Variants in GSPT1 observed in about 807,000 individuals in gnomAD.
The protein encoded by GSPT1 is eukaryotic peptide chain release factor GTP-binding subunit ERF3A.
A neutral mutation model predicts 72.5 loss-of-function variants in GSPT1; 20 were observed. The ratio of observed to expected loss-of-function variants is 0.28; its 90% CI spans 0.19 to 0.40. The LOEUF (loss-of-function observed/expected upper bound fraction) is 0.40. GSPT1 is among the 10% of genes least tolerant of loss of function. The probability of loss-of-function intolerance (pLI) is 1.00; values close to 1 mark genes in which losing one functional copy is unlikely to be tolerated. For synonymous variants in GSPT1, 334 were observed against 293.5 expected (o/e 1.14, Z -1.41); for missense variants, 580 against 811.9 (o/e 0.71, Z 3.47).
chr16:11,898,133 C>CAATAAACAGAAGTTCAATA, intron 1 of GSPT1, 98 bp from the exon 2 acceptor site: 1 of 748,026 alleles, frequency 1.3e-6, no homozygotes, highest in Non-Finnish European at 2.3e-6. Context: ...AATAACACGA[C>CAATAAACAGAAGTTCAATA]ACAAGCCTCA....
intron 11 of GSPT1, chr16:11,881,594 C>T (rs1252330416): frequency 6.8e-6 from 1 of 147,886 alleles, no homozygotes; most frequent in African/African-American, 2.5e-5. Flanking sequence ...GTTAAGCAGT[C>T]ACTCCTTACT....
intron 5 of GSPT1, among the ~76,000 whole-genome samples, chr16:11,891,366 A>ATT (rs200911963): frequency 2.1e-5 from 3 of 143,474 alleles, no homozygotes; most frequent in African/African-American, 7.7e-5. Context: ...ATATATATAT[A>ATT]TATTTTTTTT....
Position 11,887,892 on chromosome 16 carries a change from C to G in GSPT1, c.777-142G>C, listed in dbSNP as rs964000629. ...GGTGAAATGAAAATTGAGCCGGGTG[C>G]GGTGGCTCACATCTGTAATCTGAGC... On this transcript the variant is annotated intron_variant, in intron 6 of 14. Transcript: ENST00000434724. The G allele has an allele frequency of 1.1e-4, 71 of 660,876 alleles. No individual in the cohort carries two copies. In the Middle Eastern group the frequency reaches 1.7e-3, roughly 16 times the overall value. The allele number at this position is 660,876 out of a possible 1,614,324, so 40.9% of individuals were successfully genotyped here.
chr16:11,916,045 C>T, upstream of GSPT1: 2 of 619,926 alleles, frequency 3.2e-6, no homozygotes, highest in Non-Finnish European at 6.1e-6. Context: ...CCCGTACCTT[C>T]GCCTCGGTAG....
At chr16:11,916,338 T>C (rs1386547625), upstream of GSPT1, among the ~76,000 whole-genome samples, 1 of 152,160 alleles carries the variant, frequency 6.6e-6, no homozygotes, top group African/African-American at 2.4e-5. Flanking sequence ...CCGAGAGTAT[T>C]TTAGCCCATA....
At chr16:11,892,519 A>ATAAAAAAAAAAAAAAT (rs1555504706) in intron 5 of GSPT1, among the ~76,000 whole-genome samples, 8 of 142,694 alleles carry the variant, frequency 5.6e-5, no homozygotes, top group African/African-American at 2.2e-4. Context: ...AAAAACAAAA[A>ATAAAAAAAAAAAAAAT]AAACAAAAAA....
chr16:11,903,015 C>T (rs971884045), intron 1 of GSPT1, among the ~76,000 whole-genome samples: 1 of 152,058 alleles, frequency 6.6e-6, no homozygotes, highest in Non-Finnish European at 1.5e-5. Flanking sequence ...CCGCGCCCGG[C>T]TTCCAAGACA....
At chr16:11,876,801 C>T (rs1438822355) in intron 12 of GSPT1, among the ~76,000 whole-genome samples, 1 of 152,126 alleles carries the variant, frequency 6.6e-6, no homozygotes, top group Non-Finnish European at 1.5e-5. Context: ...TCCTTATATT[C>T]CCCAAGGAAC....
intron 10 of GSPT1, among the ~76,000 whole-genome samples, chr16:11,883,849 G>T (rs1171016446): frequency 2.0e-5 from 3 of 151,546 alleles, no homozygotes; most frequent in Non-Finnish European, 4.4e-5. Context: ...GGAGGCGGAG[G>T]TTGCAGTGAG....
chr16:11,914,938 G>A, intron 1 of GSPT1: 1 of 1,092,850 alleles, frequency 9.2e-7, no homozygotes, highest in South Asian at 1.3e-5. Context: ...AAGGTGAAAG[G>A]AAAACTCGGC....
intron 1 of GSPT1, among the ~76,000 whole-genome samples, chr16:11,901,149 CCT>C (rs1177544271): frequency 1.3e-5 from 2 of 152,060 alleles, no homozygotes; most frequent in Admixed American, 6.6e-5. Context: ...AGAGTGACAC[CCT>C]GTCTCAAAAA....
chr16:11,904,479 A>G (rs192977723), intron 1 of GSPT1, among the ~76,000 whole-genome samples: 54 of 151,996 alleles, frequency 3.6e-4, no homozygotes, highest in South Asian at 1.7e-3. Context: ...TGGGATTACA[A>G]GCGTGAGCCA....
chr16:11,909,132 G>A (rs1165295849), intron 1 of GSPT1, among the ~76,000 whole-genome samples: 1 of 151,862 alleles, frequency 6.6e-6, no homozygotes, highest in Non-Finnish European at 1.5e-5. Flanking sequence ...TTACCTAGTG[G>A]GAATGTGGTT....
At chr16:11,903,513 TC>T (rs1172885139) in intron 1 of GSPT1, among the ~76,000 whole-genome samples, 3 of 151,986 alleles carry the variant, frequency 2.0e-5, no homozygotes, top group African/African-American at 7.3e-5. Flanking sequence ...AGACTCTGTC[TC>T]AAAAAAATTA....
intron 14 of GSPT1, among the ~76,000 whole-genome samples, chr16:11,875,237 G>A (rs1464081741): frequency 6.6e-6 from 1 of 151,802 alleles, no homozygotes; most frequent in African/African-American, 2.4e-5. Context: ...AAAGGGAAAG[G>A]AAAAGGACAG....
At chr16:11,892,721 T>G (rs979708321) in intron 5 of GSPT1, among the ~76,000 whole-genome samples, 1 of 141,352 alleles carries the variant, frequency 7.1e-6, no homozygotes, top group African/African-American at 2.6e-5. Context: ...CCCAGCTACT[T>G]GGGAGGCTGA....
At position 11,896,654 on chromosome 16, in the gene GSPT1, C is replaced by G; in HGVS notation, c.568G>C (p.Glu190Gln). 6.2e-7 allele frequency: 1 copy of G among 1,609,752 alleles called. No homozygotes were observed. Among genetic ancestry groups the G allele is most frequent in the South Asian group, 1.1e-5 (1 of 89,976 alleles). Residue 190 changes from glutamate to glutamine, a missense_variant, in exon 4 of 15, where the codon GAG becomes CAG. This residue lies in a region of GSPT1 where 327 missense variants were observed against 298.8 expected (regional missense o/e 1.09). Transcript: ENST00000434724. ...GGTTTTGGGATTTCCTCTTCCTCCT[C>G]CATCATTTCATGGGCACTTTCCTCT... ...PPEESAHEMMEEEEEIPKPKS... is the reference protein window; with the variant it reads ...PPEESAHEMMQEEEEIPKPKS...
At chr16:11,915,281 C>G (rs1377074283) in intron 1 of GSPT1, 88 bp downstream of exon 1, 1 of 1,244,108 alleles carries the variant, frequency 8.0e-7, no homozygotes, top group Non-Finnish European at 1.0e-6. Flanking sequence ...CCGACCGGGC[C>G]CCAGGGCCGC....
At position 11,877,586 on chromosome 16, in the gene GSPT1, A is replaced by G. The variant is rs199609208; in HGVS notation, c.1429-6T>C. 7.1e-5 allele frequency: 112 copies of G among 1,572,932 alleles called. No homozygotes were observed. Among genetic ancestry groups the G allele is most frequent in the Middle Eastern group, 6.8e-4 (4 of 5,910 alleles). Reference sequence around the variant, plus strand: ...CCAAGAACTTCCACGTTGTGCTTTAAAAGAAAACAAGACTGGAGGTTTTCT... The same window carrying G: ...CCAAGAACTTCCACGTTGTGCTTTAGAAGAAAACAAGACTGGAGGTTTTCT... On this transcript the variant is annotated splice_region_variant and splice_polypyrimidine_tract_variant and intron_variant, in intron 11 of 14. Transcript: ENST00000434724. The surrounding 1 kb of genome is among the most constrained non-coding windows in gnomAD (Gnocchi z 4.0).
Sources: allele counts gnomAD v4.1 joint callset (sites outside exome capture counted in the v4.1 genomes callset), GRCh38; gene constraint gnomAD v4.1.1; regional missense constraint gnomAD v4.1.1; non-coding constraint Gnocchi (gnomAD v3.1); transcripts MANE v1.5; gene names NCBI Gene and HGNC (gene_info 2026-07-23, HGNC 2026-07-21).